The following ERMP1 variants were observed in gnomAD, a reference collection of about 807,000 sequenced individuals.
ERMP1 encodes endoplasmic reticulum metallopeptidase 1.
ERMP1 carries 86 observed loss-of-function variants against 92.0 expected under a neutral mutation model. The ratio of observed to expected loss-of-function variants is 0.93; its 90% confidence interval spans 0.79 to 1.12. The LOEUF (loss-of-function observed/expected upper bound fraction) is 1.12. Among genes scored for constraint, ERMP1 ranks in the 50% most tolerant of loss-of-function variants. ERMP1 has a pLI of 0.00. For synonymous variants in ERMP1, 530 were observed against 412.8 expected, an observed-to-expected ratio of 1.28 and a Z score of -3.44; for missense variants, 1,342 against 1,116.3, an observed-to-expected ratio of 1.20 and a Z score of -2.88.
intron 6 of ERMP1, among the ~76,000 whole-genome samples, chr9:5,841,822 C>T (rs1206036128): frequency 6.6e-6 from 1 of 151,956 alleles, no homozygotes; most frequent in Non-Finnish European, 1.5e-5. Flanking sequence ...AGCTGTGGAC[C>T]CTCGCGGTGA....
chr9:5,857,012 T>C (rs1223027299), intron 6 of ERMP1, among the ~76,000 whole-genome samples: 2 of 152,092 alleles, frequency 1.3e-5, no homozygotes, highest in African/African-American at 2.4e-5. Flanking sequence ...AAATGGACCA[T>C]GACTTTTTTT....
chr9:5,807,273 T>C (rs571154871), intron 8 of ERMP1, among the ~76,000 whole-genome samples: 47 of 152,304 alleles, frequency 3.1e-4, no homozygotes, highest in South Asian at 1.0e-3. Context: ...AGTGGCCCCA[T>C]TGATTTTTAG....
chr9:5,805,323 T>A, intron 9 of ERMP1, 106 bp from the exon 10 acceptor site: 2 of 835,192 alleles, frequency 2.4e-6, no homozygotes. Flanking sequence ...TTAGGTTAGA[T>A]GTGACTCTTG....
intron 5 of ERMP1, among the ~76,000 whole-genome samples, chr9:5,865,208 T>C (rs1198337825): frequency 1.3e-5 from 2 of 152,214 alleles, no homozygotes; most frequent in East Asian, 3.8e-4. Context: ...CCAATCATAC[T>C]TTAAAATTTA....
chr9:5,794,616 C>G (rs1236940674), intron 13 of ERMP1, among the ~76,000 whole-genome samples: 1 of 152,048 alleles, frequency 6.6e-6, no homozygotes, highest in East Asian at 1.9e-4. Context: ...ATATTATAGA[C>G]AAATTATATT....
intron 1 of ERMP1, chr9:5,832,426 C>A: frequency 2.3e-6 from 1 of 430,092 alleles, no homozygotes; most frequent in Non-Finnish European, 4.1e-6. Context: ...GCACGAAGGG[C>A]AGACAGTGGA....
chr9:5,852,708 G>C (rs906289528), intron 6 of ERMP1, among the ~76,000 whole-genome samples: 1 of 150,836 alleles, frequency 6.6e-6, no homozygotes, highest in Admixed American at 6.6e-5. Context: ...CAAATCCTAA[G>C]GATAGCTATC....
At chr9:5,812,247 C>T in intron 5 of ERMP1, 30 bp from the exon 6 acceptor site, 4 of 1,346,516 alleles carry the variant, frequency 3.0e-6, no homozygotes, top group Non-Finnish European at 4.1e-6. Context: ...AAAAAAAAGT[C>T]ATTTTGCTTT....
At chr9:5,854,769 C>G (rs1444830334) in intron 6 of ERMP1, among the ~76,000 whole-genome samples, 1 of 152,148 alleles carries the variant, frequency 6.6e-6, no homozygotes, top group Non-Finnish European at 1.5e-5. Context: ...TCAGGTAATC[C>G]ACTCTCCTCA....
upstream of ERMP1, among the ~76,000 whole-genome samples, chr9:5,836,538 G>C (rs1315831497): frequency 6.6e-6 from 1 of 152,222 alleles, no homozygotes. Flanking sequence ...AGGTGCTGTT[G>C]CGGATAGCTT....
intron 4 of ERMP1, among the ~76,000 whole-genome samples, chr9:5,820,849 C>A (rs543453517): frequency 1.3e-5 from 2 of 152,316 alleles, no homozygotes; most frequent in South Asian, 4.1e-4. Context: ...CACTAACTAG[C>A]TTTTTGAAAG....
At chr9:5,842,045 G>A (rs375840050) in intron 6 of ERMP1, among the ~76,000 whole-genome samples, 7 of 152,182 alleles carry the variant, frequency 4.6e-5, no homozygotes, top group East Asian at 3.8e-4. Flanking sequence ...CACAGTGAGC[G>A]TTACAGCATA....
intron 6 of ERMP1, among the ~76,000 whole-genome samples, chr9:5,852,916 G>A (rs985535354): frequency 1.8e-4 from 28 of 152,244 alleles, no homozygotes; most frequent in African/African-American, 6.5e-4. Context: ...CTACAGGGGA[G>A]AAAACAAACA....
intron 2 of ERMP1, among the ~76,000 whole-genome samples, 170 bp from the exon 3 acceptor site, chr9:5,825,389 C>T (rs1254408944): frequency 6.6e-6 from 1 of 152,224 alleles, no homozygotes; most frequent in Admixed American, 6.5e-5. Flanking sequence ...GCAGTAAGTT[C>T]CATGAAGGGA....
At chr9:5,823,592 TCA>T (rs937957960) in intron 4 of ERMP1, among the ~76,000 whole-genome samples, 2 of 152,334 alleles carry the variant, frequency 1.3e-5, no homozygotes, top group East Asian at 1.9e-4. Context: ...CTCTCTGGAC[TCA>T]GTTTCATCTC....
At chr9:5,854,625 G>A (rs1830350346) in intron 6 of ERMP1, among the ~76,000 whole-genome samples, 1 of 152,076 alleles carries the variant, frequency 6.6e-6, no homozygotes, top group Admixed American at 6.6e-5. Flanking sequence ...TTCACCTCCT[G>A]GTTTAAGTAA....
At chr9:5,833,937 C>CCATG (rs894946876), upstream of ERMP1, among the ~76,000 whole-genome samples, 4 of 152,196 alleles carry the variant, frequency 2.6e-5, no homozygotes, top group African/African-American at 9.7e-5. Flanking sequence ...TTGCCGGTAC[C>CCATG]CATGAGCCTC....
chr9:5,857,196 AT>A (rs1265214197), intron 6 of ERMP1, among the ~76,000 whole-genome samples: 1 of 151,890 alleles, frequency 6.6e-6, no homozygotes, highest in East Asian at 1.9e-4. Context: ...TAATTTTTGT[AT>A]TTTTTGTAGA....
chr9:5,829,203 G>C (rs1430550859), intron 2 of ERMP1, among the ~76,000 whole-genome samples: 1 of 132,946 alleles, frequency 7.5e-6, no homozygotes, highest in Non-Finnish European at 1.5e-5. Context: ...GACAGAGTGA[G>C]ACTTGGCCCC....
Sources: allele counts gnomAD v4.1 joint callset (sites outside exome capture counted in the v4.1 genomes callset), GRCh38; gene constraint gnomAD v4.1.1; transcripts MANE v1.5; gene names NCBI Gene and HGNC (gene_info 2026-07-23, HGNC 2026-07-21).